CAMK2B: variants seen among roughly 807,000 people sequenced by gnomAD.
The protein encoded by CAMK2B is calcium/calmodulin dependent protein kinase II beta, also known as calcium/calmodulin-dependent protein kinase type II subunit beta.
Under a neutral mutation model 93.7 loss-of-function variants are expected in CAMK2B, and 27 were observed. The ratio of observed to expected loss-of-function variants is 0.29; its 90% CI spans 0.21 to 0.40. CAMK2B has a LOEUF of 0.40. Among genes scored for constraint, CAMK2B ranks in the 10% least tolerant of loss-of-function variants. CAMK2B has a pLI of 1.00. For missense variants in CAMK2B, 568 were observed against 895.8 expected (o/e 0.63, Z 4.67); for synonymous variants, 374 against 358.8 (o/e 1.04, Z -0.48).
At chr7:44,249,739 G>A (rs944006402) in intron 5 of CAMK2B, among the ~76,000 whole-genome samples, 5 of 152,168 alleles carry the variant, frequency 3.3e-5, no homozygotes, top group African/African-American at 9.7e-5. Flanking sequence ...CTACTGCTGA[G>A]GGCGAGAGTT....
chr7:44,314,447 G>A (rs1251608559), intron 1 of CAMK2B, among the ~76,000 whole-genome samples: 1 of 152,152 alleles, frequency 6.6e-6, no homozygotes, highest in African/African-American at 2.4e-5. Context: ...AGCATGTGTC[G>A]GTGCTTATTA....
At chr7:44,258,840 G>A (rs1022498391) in intron 4 of CAMK2B, 32 bp downstream of exon 4, 1 of 1,604,634 alleles carries the variant, frequency 6.2e-7, no homozygotes, top group African/African-American at 1.3e-5. Context: ...CTGGGAGTGA[G>A]TGCAGCGAGA....
At chr7:44,246,351 T>G (rs2096729483) in intron 6 of CAMK2B, among the ~76,000 whole-genome samples, 1 of 152,042 alleles carries the variant, frequency 6.6e-6, no homozygotes, top group South Asian at 2.1e-4. Context: ...CTCCCAGCCC[T>G]GGAGGTCCGG....
chr7:44,296,293 T>G (rs929858113), intron 1 of CAMK2B, among the ~76,000 whole-genome samples: 1 of 150,804 alleles, frequency 6.6e-6, no homozygotes, highest in Non-Finnish European at 1.5e-5. Context: ...AAAAATGCTG[T>G]AACAGAAATA....
chr7:44,316,928 A>T (rs1001952802), intron 1 of CAMK2B, among the ~76,000 whole-genome samples: 16 of 152,080 alleles, frequency 1.1e-4, no homozygotes, highest in African/African-American at 3.9e-4. Flanking sequence ...TTTTATAATA[A>T]TAACCTTCCT....
chr7:44,237,080 G>A (rs773155860), intron 13 of CAMK2B, among the ~76,000 whole-genome samples: 15 of 152,354 alleles, frequency 9.8e-5, no homozygotes, highest in South Asian at 2.1e-4. Flanking sequence ...CCAACCCAGC[G>A]GTACTTCCAG....
intron 1 of CAMK2B, among the ~76,000 whole-genome samples, chr7:44,285,567 A>G (rs1338289775): frequency 2.0e-5 from 3 of 152,216 alleles, no homozygotes; most frequent in East Asian, 3.9e-4. Flanking sequence ...ACATACGAAC[A>G]CCGTTTTATC....
rs200866892 is a variant in CAMK2B at position 44,226,560 on chromosome 7, G to A, written c.1553C>T (p.Pro518Leu). 979 of 1,459,978 alleles carry A rather than the reference G, an allele frequency of 6.7e-4. No homozygotes were observed. The highest frequency in any genetic ancestry group is 1.0e-3 in the Admixed American group (36 of 35,570). The allele number at this position is 1,459,978 out of a possible 1,614,324, so 90.4% of individuals were successfully genotyped here. A position where few individuals can be genotyped will look rare whatever the true frequency, so the allele number is the denominator to read the frequency against. ...EAEGPSPVGPPPCPSPTIPGP... is the reference protein window; with the variant it reads ...EAEGPSPVGPLPCPSPTIPGP... ...AGGGATAGTCGGAGATGGGCAGGGCGGGGGCCCCACTGGCGAGGGGCCCTC... is the reference window on the plus strand; with the variant it reads ...AGGGATAGTCGGAGATGGGCAGGGCAGGGGCCCCACTGGCGAGGGGCCCTC... The change falls in exon 20 of 24, where the codon CCG becomes CTG. Residue 518 changes from proline to leucine, a missense_variant. This residue lies in a region of CAMK2B where 308 missense variants were observed against 292.1 expected (regional missense o/e 1.05). Coordinates refer to ENST00000395749, the MANE Select transcript of CAMK2B (RefSeq NM_001220.5).
intron 19 of CAMK2B, among the ~76,000 whole-genome samples, chr7:44,228,414 G>A (rs1190528198): frequency 6.6e-6 from 1 of 152,118 alleles, no homozygotes; most frequent in Non-Finnish European, 1.5e-5. Context: ...CATGGGCAGG[G>A]CCCCTGGGTG....
chr7:44,305,267 C>T (rs1290206428), intron 1 of CAMK2B, among the ~76,000 whole-genome samples: 1 of 152,184 alleles, frequency 6.6e-6, no homozygotes, highest in East Asian at 1.9e-4. Context: ...AAGGGACAGG[C>T]ACTGAATGCT....
chr7:44,258,835 A>C, intron 4 of CAMK2B, 37 bp downstream of exon 4: 2 of 1,599,306 alleles, frequency 1.3e-6, no homozygotes, highest in Non-Finnish European at 8.6e-7. Context: ...CAAGGCTGGG[A>C]GTGAGTGCAG....
intron 2 of CAMK2B, among the ~76,000 whole-genome samples, chr7:44,274,620 A>G (rs2097014273): frequency 2.0e-5 from 3 of 152,228 alleles, no homozygotes; most frequent in Admixed American, 1.3e-4. Context: ...TGGAATCTTC[A>G]AAACACTCTT....
intron 2 of CAMK2B, among the ~76,000 whole-genome samples, chr7:44,272,812 T>G (rs955562618): frequency 2.0e-5 from 3 of 152,196 alleles, no homozygotes; most frequent in African/African-American, 7.2e-5. Flanking sequence ...CACTTGGCCT[T>G]TCAGCTGGGG....
Position 44,286,422 on chromosome 7 carries a change from C to T in CAMK2B, c.66-2197G>A, listed in dbSNP as rs1397889579. Among the ~76,000 whole-genome samples, 2 of 152,182 alleles carry T rather than the reference C, an allele frequency of 1.3e-5. No individual in the cohort carries two copies. Among genetic ancestry groups the T allele is most frequent in the African/African-American group, 4.8e-5 (2 of 41,440 alleles). On this transcript the variant is annotated intron_variant, in intron 1 of 23. Transcript: ENST00000395749. The surrounding 1 kb of genome is among the most constrained non-coding windows in gnomAD (Gnocchi z 4.0). Reference sequence around the variant, plus strand: ...AGTTCAACAGACTGCACATCTATGCCAAGCTGATGATGCCCGTATGGCACC... The same window carrying T: ...AGTTCAACAGACTGCACATCTATGCTAAGCTGATGATGCCCGTATGGCACC...
At chr7:44,267,255 C>T (rs2096928781) in intron 2 of CAMK2B, among the ~76,000 whole-genome samples, 1 of 152,176 alleles carries the variant, frequency 6.6e-6, no homozygotes, top group Non-Finnish European at 1.5e-5. Context: ...GGCAGACAGT[C>T]CCTGGGGCAC....
At chr7:44,294,646 T>A (rs1416577313) in intron 1 of CAMK2B, among the ~76,000 whole-genome samples, 2 of 152,134 alleles carry the variant, frequency 1.3e-5, no homozygotes, top group Non-Finnish European at 2.9e-5. Flanking sequence ...ACAAGTCCCA[T>A]CTCCTGGCCC....
At chr7:44,288,960 C>T (rs911613581) in intron 1 of CAMK2B, among the ~76,000 whole-genome samples, 9 of 152,150 alleles carry the variant, frequency 5.9e-5, no homozygotes, top group Admixed American at 1.3e-4. Context: ...TGTGGGCTCT[C>T]GGGGCTTCAC....
intron 14 of CAMK2B, 57 bp downstream of exon 14, chr7:44,234,582 G>T: frequency 6.2e-7 from 1 of 1,605,694 alleles, no homozygotes; most frequent in South Asian, 1.1e-5. Context: ...CAGGGCGTGG[G>T]GGTGAAGCTG....
intron 2 of CAMK2B, among the ~76,000 whole-genome samples, chr7:44,281,180 G>A (rs943555895): frequency 5.9e-5 from 9 of 152,246 alleles, no homozygotes; most frequent in African/African-American, 2.2e-4. Context: ...GGGTGGCCGT[G>A]GGACCTGAGC....
Sources: allele counts gnomAD v4.1 joint callset (sites outside exome capture counted in the v4.1 genomes callset), GRCh38; gene constraint gnomAD v4.1.1; regional missense constraint gnomAD v4.1.1; non-coding constraint Gnocchi (gnomAD v3.1); transcripts MANE v1.5; gene names NCBI Gene and HGNC (gene_info 2026-07-23, HGNC 2026-07-21).